The following SLK variants were observed in gnomAD, a reference collection of about 807,000 sequenced individuals.
SLK encodes the protein STE20-like serine/threonine-protein kinase.
SLK carries 67 observed loss-of-function variants against 147.7 expected under a neutral mutation model. That is an observed-to-expected ratio of 0.45 (90% CI 0.37 to 0.56). SLK has a LOEUF of 0.56. Among genes scored for constraint, SLK ranks in the 20% least tolerant of loss-of-function variants. SLK has a pLI of 0.00. For missense variants in SLK, 1,136 were observed against 1,438.8 expected, an observed-to-expected ratio of 0.79 and a Z score of 3.41; for synonymous variants, 441 against 475.0, an observed-to-expected ratio of 0.93 and a Z score of 0.93.
intron 17 of SLK, 122 bp from the exon 18 acceptor site, chr10:104,021,498 A>T (rs926914485): frequency 5.1e-5 from 30 of 582,536 alleles, no homozygotes; most frequent in Non-Finnish European, 8.9e-5. Flanking sequence ...TATAGAGGAA[A>T]ACTTGAATCT....
intron 1 of SLK, among the ~76,000 whole-genome samples, chr10:103,969,683 C>T (rs1447287402): frequency 7.9e-5 from 12 of 152,188 alleles, no homozygotes. Flanking sequence ...AGATGCAAGG[C>T]TTCATTGTAG....
In SLK at chr10:104,008,213, C is replaced by G. The variant is rs750423809; in HGVS notation, c.2641C>G (p.Leu881Val). 6.2e-7 allele frequency: 1 copy of G among 1,612,950 alleles called. No homozygotes were observed. Among genetic ancestry groups the G allele is most frequent in the Non-Finnish European group, 8.5e-7 (1 of 1,179,748 alleles). Residue 881 changes from leucine to valine, a missense_variant, in exon 12 of 19, where the codon CTA becomes GTA. Transcript: ENST00000369755. ...ACAATATGACCAGGAAATTGAGAAT[C>G]TAGAAAAACAGCAGAAACAGACTAT... ...KRQYDQEIENLEKQQKQTIER... is the reference protein window; with the variant it reads ...KRQYDQEIENVEKQQKQTIER...
At chr10:103,978,779 TC>T (rs770949020) in intron 1 of SLK, among the ~76,000 whole-genome samples, 6 of 152,190 alleles carry the variant, frequency 3.9e-5, no homozygotes, top group African/African-American at 7.2e-5. Flanking sequence ...GATCAACTTT[TC>T]CAATTTACCA....
intron 1 of SLK, among the ~76,000 whole-genome samples, chr10:103,984,528 C>G (rs1843987930): frequency 6.6e-6 from 1 of 152,120 alleles, no homozygotes; most frequent in Non-Finnish European, 1.5e-5. Context: ...ATTCTTGTGC[C>G]TGAGCCTCCT....
rs931723312 is a variant in SLK at position 103,999,266 on chromosome 10, A to G, written c.735A>G (p.Leu245=). Residue 245 remains leucine, a synonymous_variant, in exon 6 of 19, where the codon CTA becomes CTG. Transcript: ENST00000369755. ...AATTAAATCCAATGCGAGTGCTGCT[A>G]AAAATAGCAAAATCTGAGCCACCTA... ...HHELNPMRVL[L]KIAKSEPPTL... The G allele has an allele frequency of 1.2e-6, 2 of 1,613,112 alleles. No homozygotes were observed. Among genetic ancestry groups the G allele is most frequent in the Admixed American group, 1.7e-5 (1 of 59,844 alleles).
At chr10:103,968,141 C>T (rs570777740) in intron 1 of SLK, among the ~76,000 whole-genome samples, 7 of 152,324 alleles carry the variant, frequency 4.6e-5, no homozygotes, top group Non-Finnish European at 1.5e-5. Context: ...AAAGTCTACT[C>T]TTTCAAACTT....
chr10:103,972,225 C>T (rs1843801705), intron 1 of SLK, among the ~76,000 whole-genome samples: 1 of 152,172 alleles, frequency 6.6e-6, no homozygotes, highest in South Asian at 2.1e-4. Context: ...CAGTTTTTGG[C>T]TCTTACACAA....
intron 11 of SLK, among the ~76,000 whole-genome samples, chr10:104,006,435 G>A (rs1252064903): frequency 6.6e-6 from 1 of 152,170 alleles, no homozygotes; most frequent in Non-Finnish European, 1.5e-5. Context: ...AAACCTAGCT[G>A]AGCAGTAGGA....
chr10:103,997,975 A>G (rs11812408), intron 4 of SLK, among the ~76,000 whole-genome samples: 2,456 of 152,296 alleles, frequency 0.016, 67 homozygotes, highest in African/African-American at 0.055. Context: ...TTAGTTGACA[A>G]TTAAAATATT....
chr10:103,969,676 T>G (rs1843767523), intron 1 of SLK, among the ~76,000 whole-genome samples: 1 of 152,208 alleles, frequency 6.6e-6, no homozygotes. Flanking sequence ...CTTCATAAGA[T>G]GCAAGGCTTC....
intron 1 of SLK, among the ~76,000 whole-genome samples, chr10:103,982,821 A>ACCAGAGGACGGAGACAGCAGAGGG (rs1265803354): frequency 1.3e-5 from 2 of 152,226 alleles, no homozygotes; most frequent in African/African-American, 4.8e-5. Context: ...TGAAGAGATG[A>ACCAGAGGACGGAGACAGCAGAGGG]CCAGAGGACG....
intron 13 of SLK, among the ~76,000 whole-genome samples, chr10:104,015,229 A>C (rs1046567136): frequency 6.6e-6 from 1 of 152,184 alleles, no homozygotes; most frequent in African/African-American, 2.4e-5. Flanking sequence ...GTTCTTTGCT[A>C]ACTCTAATTG....
intron 15 of SLK, among the ~76,000 whole-genome samples, 196 bp from the exon 16 acceptor site, chr10:104,019,538 C>G (rs746606278): frequency 6.6e-6 from 1 of 152,146 alleles, no homozygotes; most frequent in Non-Finnish European, 1.5e-5. Context: ...TCCCAAAGTG[C>G]TGGGATTACA....
In SLK at chr10:104,010,898, A is replaced by G; in HGVS notation, c.2867A>G (p.Gln956Arg). 2 of 1,581,484 alleles carry G rather than the reference A, an allele frequency of 1.3e-6. No homozygotes were observed. Among genetic ancestry groups the G allele is most frequent in the Non-Finnish European group, 8.5e-7 (1 of 1,170,094 alleles). ...AGGAAAGAGGAGCTTGCACAAAGCC[A>G]GCATGCTCAGGTAACAGCAGCAGCT... Reference protein sequence around the residue: ...KRRKEELAQSQHAQEQEFVQK... With the variant: ...KRRKEELAQSRHAQEQEFVQK... The change falls in exon 13 of 19, where the codon CAG becomes CGG. Residue 956 changes from glutamine (Q) to arginine (R), a missense_variant. Coordinates refer to ENST00000369755, the MANE Select transcript of SLK (RefSeq NM_014720.4).
chr10:104,007,225 T>A (rs948148960), intron 11 of SLK, among the ~76,000 whole-genome samples: 24 of 152,154 alleles, frequency 1.6e-4, no homozygotes, highest in Admixed American at 6.5e-4. Flanking sequence ...AATATTGAAA[T>A]TTTTCTGATT....
chr10:104,004,257 G>A (rs185005958), intron 9 of SLK, among the ~76,000 whole-genome samples: 67 of 152,226 alleles, frequency 4.4e-4, no homozygotes, highest in Non-Finnish European at 7.5e-4. Context: ...TGATTAGTCT[G>A]CCTATCTGCC....
At position 103,982,043 on chromosome 10, in the gene SLK, GGTTAA is replaced by G. The variant is rs544892436; in HGVS notation, c.151-8626_151-8622del. Among the ~76,000 whole-genome samples, 683 of 152,110 alleles carry G rather than the reference GGTTAA, an allele frequency of 4.5e-3. 15 individuals carry two copies. The highest frequency in any genetic ancestry group is 8.5e-3 in the East Asian group (44 of 5,186). On this transcript the variant is annotated intron_variant, in intron 1 of 18. Transcript: ENST00000369755. ...CATTGTACAAGTCTTTCATCTCCTT[GGTTAA>G]GTTAATTCCCAAGTGTTTTATTCTC...
At position 104,019,942 on chromosome 10, in the gene SLK, T is replaced by C; in HGVS notation, c.3321+20T>C. 6.3e-7 allele frequency: 1 copy of C among 1,582,748 alleles called. No homozygotes were observed. ...AAACAGGTAAATATGCAAGTTAGTC[T>C]CTTCTCTTTTAGGTTTAAAATTTTT... On this transcript the variant is annotated intron_variant, in intron 16 of 18. Coordinates refer to ENST00000369755, the MANE Select transcript of SLK (RefSeq NM_014720.4).
chr10:103,972,528 C>T lies in SLK; in HGVS notation c.150+4633C>T, dbSNP rs918445764. Among the ~76,000 whole-genome samples the T allele has an allele frequency of 2.0e-5, 3 of 151,998 alleles. No individual in the cohort carries two copies. The South Asian group carries it at 6.2e-4, about 32-fold the overall frequency. On this transcript the variant is annotated intron_variant, in intron 1 of 18. Transcript: ENST00000369755. ...TCTACTAAAAATACAAAAAATTAGC[C>T]GGGCGTGGTGGCAGGAGCCTGTAGT...
Sources: gnomAD v4.1 joint callset for allele counts (sites outside exome capture counted in the v4.1 genomes callset) on GRCh38, gnomAD v4.1.1 for gene constraint, MANE v1.5 for transcripts, NCBI Gene and HGNC (gene_info 2026-07-23, HGNC 2026-07-21) for gene names.